The following SNX29 variants were observed in gnomAD, a reference collection of about 807,000 sequenced individuals.
SNX29 encodes the protein sorting nexin 29, also known as sorting nexin-29.
SNX29 carries 78 observed loss-of-function variants against 102.1 expected under a neutral mutation model. The ratio of observed to expected loss-of-function variants is 0.76; its 90% CI spans 0.64 to 0.92. The LOEUF (loss-of-function observed/expected upper bound fraction) is 0.92. Among genes scored for constraint, SNX29 ranks in the 40% least tolerant of loss-of-function variants. The pLI, the probability that SNX29 is intolerant of heterozygous loss-of-function variation, is 0.00. For synonymous variants in SNX29, 580 were observed against 414.5 expected, an observed-to-expected ratio of 1.40 and a Z score of -4.85; for missense variants, 1,280 against 1,061.7, an observed-to-expected ratio of 1.21 and a Z score of -2.86.
rs116477592 is a variant in SNX29, at chr16:12,199,183, G to A, written c.1596-418G>A. ...GGCAAATAATAAATGTTTAGTACAA[G>A]TCACAGTTGATAAAAGTATTAAGAG... On this transcript the variant is annotated intron_variant, in intron 13 of 20. Coordinates refer to ENST00000566228, the MANE Select transcript of SNX29 (RefSeq NM_032167.5). Among the ~76,000 whole-genome samples, 1,061 of 152,310 alleles carry A rather than the reference G, an allele frequency of 7.0e-3. 8 individuals carry two copies. Among genetic ancestry groups the A allele is most frequent in the African/African-American group, 0.01 (422 of 41,570 alleles).
chr16:12,287,768 A>T (rs1371726876), intron 15 of SNX29, among the ~76,000 whole-genome samples: 1 of 152,146 alleles, frequency 6.6e-6, no homozygotes, highest in Admixed American at 6.5e-5. Context: ...TTGGTGATGG[A>T]TCTCTTCAGT....
chr16:12,556,221 G>A (rs1340957198), intron 20 of SNX29: 2 of 152,116 alleles, frequency 1.3e-5, no homozygotes, highest in Non-Finnish European at 2.9e-5. Context: ...TCTTCCAATT[G>A]TGAGGTTGGT....
At chr16:12,190,143 T>C (rs1404359609) in intron 13 of SNX29, among the ~76,000 whole-genome samples, 1 of 152,090 alleles carries the variant, frequency 6.6e-6, no homozygotes, top group Non-Finnish European at 1.5e-5. Flanking sequence ...GCTCCTCTGC[T>C]CTCTTCATTA....
At chr16:12,512,368 A>AT (rs1262325770) in intron 19 of SNX29, among the ~76,000 whole-genome samples, 2,054 of 32,734 alleles carry the variant, frequency 0.063, 246 homozygotes, top group South Asian at 0.17. Context: ...GGCCCAGGGA[A>AT]AATATATATA....
intron 15 of SNX29, among the ~76,000 whole-genome samples, chr16:12,316,489 G>A (rs1326164499): frequency 6.6e-6 from 1 of 152,204 alleles, no homozygotes; most frequent in Non-Finnish European, 1.5e-5. Flanking sequence ...GTTGCAGTGA[G>A]CCGAGATTGT....
At chr16:12,171,553 G>A (rs1441848262) in intron 13 of SNX29, among the ~76,000 whole-genome samples, 2 of 152,214 alleles carry the variant, frequency 1.3e-5, no homozygotes, top group Non-Finnish European at 2.9e-5. Flanking sequence ...CAGGCCGTGG[G>A]TGGGTTTCTG....
chr16:12,557,015 A>ACACCCCCCCCCCCCCCCCCCCCCCC lies in SNX29; in HGVS notation c.2319-11490_2319-11489insACCCCCCCCCCCCCCCCCCCCCCCC, dbSNP rs66825746. 1.3e-4 allele frequency among the ~76,000 whole-genome samples: 4 copies of ACACCCCCCCCCCCCCCCCCCCCCCC among 31,812 alleles called. 2 individuals carry two copies. The highest frequency in any genetic ancestry group is 2.6e-4 in the Non-Finnish European group (4 of 15,472). 20.9% of individuals were successfully genotyped at this position (31,812 alleles called of 152,430 possible). A position where few individuals can be genotyped will look rare whatever the true frequency, so the allele number is the denominator to read the frequency against. Reference sequence around the variant, plus strand: ...GGTACACACCACATCTGGCTAATTTACCCCCCCCCCGCCCCAAGATGAGGT... The same window carrying ACACCCCCCCCCCCCCCCCCCCCCCC: ...GGTACACACCACATCTGGCTAATTTACACCCCCCCCCCCCCCCCCCCCCCCCCCCCCCCCCGCCCCAAGATGAGGT... On this transcript the variant is annotated intron_variant, in intron 20 of 20. Transcript: ENST00000566228.
intron 19 of SNX29, among the ~76,000 whole-genome samples, chr16:12,517,537 C>G (rs961492791): frequency 1.3e-5 from 2 of 152,214 alleles, no homozygotes; most frequent in Non-Finnish European, 2.9e-5. Flanking sequence ...CCAGGCCATT[C>G]TTCCTATGGT....
At position 12,280,292 on chromosome 16, in the gene SNX29, C is replaced by T. The variant is rs1367739687; in HGVS notation, c.1782+2256C>T. Among the ~76,000 whole-genome samples, 3 of 152,158 alleles carry T rather than the reference C, an allele frequency of 2.0e-5. 1 individual carries two copies. The highest frequency in any genetic ancestry group is 4.1e-4 in the South Asian group (2 of 4,824). ...GGTGATGCTGTGGCTGTGTCCTGGCCGTGTCACCACCCGCTTTGCTTTGAC... is the reference window on the plus strand; with the variant it reads ...GGTGATGCTGTGGCTGTGTCCTGGCTGTGTCACCACCCGCTTTGCTTTGAC... On this transcript the variant is annotated intron_variant, in intron 15 of 20. Coordinates refer to ENST00000566228, the MANE Select transcript of SNX29 (RefSeq NM_032167.5).
rs1338315323 is a variant in SNX29 at position 12,569,767 on chromosome 16, C to A, written c.*1138C>A. On this transcript the variant is annotated 3_prime_UTR_variant, in exon 21 of 21. Transcript: ENST00000566228. Reference sequence around the variant, plus strand: ...CTCCTCCAGTGAGCTCACATCAGAGCACCTCACAGAGCAATAGCCGTCCTC... The same window carrying A: ...CTCCTCCAGTGAGCTCACATCAGAGAACCTCACAGAGCAATAGCCGTCCTC... 1 of 230,368 alleles carries A rather than the reference C, an allele frequency of 4.3e-6. No individual in the cohort carries two copies. The highest frequency in any genetic ancestry group is 2.2e-5 in the African/African-American group (1 of 45,180). 14.3% of individuals were successfully genotyped at this position (230,368 alleles called of 1,614,324 possible). A position where few individuals can be genotyped will look rare whatever the true frequency, so the allele number is the denominator to read the frequency against.
intron 13 of SNX29, among the ~76,000 whole-genome samples, chr16:12,131,568 C>G (rs2141429285): frequency 6.6e-6 from 1 of 152,254 alleles, no homozygotes; most frequent in East Asian, 1.9e-4. Context: ...TTGCCCATTC[C>G]AGATTGGAAT....
chr16:12,019,593 T>C (rs2056957053), intron 3 of SNX29, among the ~76,000 whole-genome samples: 1 of 135,164 alleles, frequency 7.4e-6, no homozygotes, highest in Admixed American at 7.0e-5. Flanking sequence ...TATATATATA[T>C]AGATAGATAG....
At chr16:12,458,924 C>G (rs1028447276) in intron 18 of SNX29, among the ~76,000 whole-genome samples, 3 of 152,218 alleles carry the variant, frequency 2.0e-5, no homozygotes, top group African/African-American at 4.8e-5. Context: ...TTACCTTGAG[C>G]TGGCTAAAAC....
At chr16:12,537,987 A>C (rs1346936323) in intron 20 of SNX29, among the ~76,000 whole-genome samples, 5 of 98,740 alleles carry the variant, frequency 5.1e-5, no homozygotes, top group African/African-American at 1.7e-4. Context: ...TCCGTTTCAA[A>C]AAAAAAAAAA....
intron 20 of SNX29, among the ~76,000 whole-genome samples, chr16:12,562,375 T>C (rs1019193098): frequency 2.1e-5 from 3 of 139,668 alleles, no homozygotes; most frequent in South Asian, 2.2e-4. Context: ...CACCATTTTT[T>C]AAAACAGCTC....
chr16:12,540,240 TC>T (rs1377470401), intron 20 of SNX29, among the ~76,000 whole-genome samples: 2 of 151,842 alleles, frequency 1.3e-5, no homozygotes, highest in Non-Finnish European at 2.9e-5. Flanking sequence ...GCTGACCCGC[TC>T]CCCCCACCCC....
chr16:12,184,261 T>G (rs1002964040), intron 13 of SNX29, among the ~76,000 whole-genome samples: 2 of 152,190 alleles, frequency 1.3e-5, no homozygotes, highest in Admixed American at 1.3e-4. Flanking sequence ...CTAAAGTGTC[T>G]TTTATAGCCA....
At chr16:12,513,509 A>T (rs2089728372) in intron 19 of SNX29, among the ~76,000 whole-genome samples, 5 of 151,420 alleles carry the variant, frequency 3.3e-5, no homozygotes, top group Admixed American at 3.3e-4. Flanking sequence ...TAAAGACTTC[A>T]TCTCTCCCCT....
intron 15 of SNX29, among the ~76,000 whole-genome samples, chr16:12,333,667 G>A (rs1020706286): frequency 6.6e-5 from 10 of 152,002 alleles, no homozygotes; most frequent in Admixed American, 2.0e-4. Context: ...CTCCCAGTCC[G>A]GACTCTCTAA....
Sources: gnomAD v4.1 joint callset for allele counts (sites outside exome capture counted in the v4.1 genomes callset) on GRCh38, gnomAD v4.1.1 for gene constraint, MANE v1.5 for transcripts, NCBI Gene and HGNC (gene_info 2026-07-23, HGNC 2026-07-21) for gene names.